PCYT1B: variants seen among roughly 807,000 people sequenced by gnomAD.
PCYT1B encodes choline-phosphate cytidylyltransferase B.
PCYT1B carries 10 observed loss-of-function variants against 26.4 expected under a neutral mutation model. The observed-to-expected ratio is 0.38, with a 90% CI of 0.23 to 0.64. The LOEUF (loss-of-function observed/expected upper bound fraction) is 0.64. PCYT1B is among the 30% of genes least tolerant of loss of function. The pLI is 0.56. For synonymous variants in PCYT1B, 131 were observed against 108.4 expected (o/e 1.21, Z -1.29); for missense variants, 161 against 292.7 (o/e 0.55, Z 3.28).
chrX:24,563,690 C>T (rs1262430213), intron 7 of PCYT1B, among the ~76,000 whole-genome samples: 1 of 111,270 alleles, frequency 9.0e-6, no homozygotes, highest in African/African-American at 3.3e-5. Context: ...GGAGGCACTG[C>T]GGGAGATCAG....
At chrX:24,626,961 G>T (rs1038031630) in intron 1 of PCYT1B, among the ~76,000 whole-genome samples, 2 of 111,920 alleles carry the variant, frequency 1.8e-5, no homozygotes, top group Non-Finnish European at 3.8e-5. Context: ...TTAGTTAAAG[G>T]GTGATTAAGT....
rs1569261868 is a variant in PCYT1B, at chrX:24,670,100, GAAAGAAAGA to G, written c.63+2461_63+2469del. Among the ~76,000 whole-genome samples the G allele has an allele frequency of 3.3e-3, 276 of 83,937 alleles. 1 individual carries two copies. Among genetic ancestry groups the G allele is most frequent in the South Asian group, 9.6e-3 (13 of 1,349 alleles). The allele number at this position is 83,937 out of a possible 115,157, so 72.9% of individuals were successfully genotyped here. On this transcript the variant is annotated intron_variant, in intron 1 of 7. Transcript: ENST00000379145. ...AGAAAGAAAGAAAGAAAGAAAGAAA[GAAAGAAAGA>G]AAGAAAGGAAGGAAGGAAGGAAGGA...
At chrX:24,629,521 C>CT (rs1238818550) in intron 1 of PCYT1B, among the ~76,000 whole-genome samples, 1 of 84,438 alleles carries the variant, frequency 1.2e-5, no homozygotes, top group African/African-American at 4.6e-5. Context: ...TTGCATGCCA[C>CT]TGCACTCCAG....
At chrX:24,562,551 A>G in intron 7 of PCYT1B, 46 bp from the exon 8 acceptor site, 1 of 1,108,577 alleles carries the variant, frequency 9.0e-7, no homozygotes, top group Non-Finnish European at 1.2e-6. Context: ...TTGCAATCTG[A>G]GGCAGCAGCA....
chrX:24,592,936 A>G (rs753019554), intron 3 of PCYT1B, among the ~76,000 whole-genome samples: 183 of 111,568 alleles, frequency 1.6e-3, no homozygotes, highest in African/African-American at 5.4e-3. Context: ...TTTTTTGGAC[A>G]GAGTTTTGCT....
rs1255668401 is a variant in PCYT1B at position 24,561,173 on chromosome X, C to G, written c.*1120G>C. 5 of 112,535 alleles carry G rather than the reference C, an allele frequency of 4.4e-5. No individual in the cohort carries two copies. Among genetic ancestry groups the G allele is most frequent in the Non-Finnish European group, 9.4e-5 (5 of 53,313 alleles). 9.3% of individuals were successfully genotyped at this position (112,535 alleles called of 1,213,427 possible). Reference sequence around the variant, plus strand: ...TAAGCTTGACAAAGTGCCCAAGTCACAAGAGAACAGATGTTTCTTGAGACC... The same window carrying G: ...TAAGCTTGACAAAGTGCCCAAGTCAGAAGAGAACAGATGTTTCTTGAGACC... On this transcript the variant is annotated 3_prime_UTR_variant, in exon 8 of 8. Coordinates refer to ENST00000379144, the MANE Select transcript of PCYT1B (RefSeq NM_004845.5).
In PCYT1B at chrX:24,575,151, C is replaced by G; in HGVS notation, c.876G>C (p.Leu292=). 2 of 1,199,802 alleles carry G rather than the reference C, an allele frequency of 1.7e-6. No individual in the cohort carries two copies. Among genetic ancestry groups the G allele is most frequent in the Non-Finnish European group, 2.2e-6 (2 of 890,356 alleles). ...ATACCCATGCTCCATCAGGTCCAAA[C>G]AGTTCTAGGAAGTTGCCAATGAATT... ...SREFIGNFLE[L]FGPDGAWKQM... The change falls in exon 7 of 8, where the codon CTG becomes CTC. Residue 292 remains leucine, a synonymous_variant. Coordinates refer to ENST00000379144, the MANE Select transcript of PCYT1B (RefSeq NM_004845.5).
chrX:24,588,501 T>A (rs1378792398), intron 4 of PCYT1B, among the ~76,000 whole-genome samples: 1 of 112,039 alleles, frequency 8.9e-6, no homozygotes, highest in Non-Finnish European at 1.9e-5. Context: ...TCACTCTACC[T>A]TGAGAGGTAA....
At chrX:24,631,151 T>C (rs1165394259) in intron 1 of PCYT1B, among the ~76,000 whole-genome samples, 1 of 111,388 alleles carries the variant, frequency 9.0e-6, no homozygotes, top group East Asian at 2.8e-4. Context: ...CTTGATCTCC[T>C]GACCTCGTGA....
chrX:24,661,656 T>C (rs1218741415), intron 1 of PCYT1B, among the ~76,000 whole-genome samples: 4 of 111,917 alleles, frequency 3.6e-5, no homozygotes, highest in Non-Finnish European at 7.5e-5. Context: ...GAAAACTCTA[T>C]AGAACAAACC....
chrX:24,654,095 TCTTTC>T (rs377205500), intron 1 of PCYT1B, among the ~76,000 whole-genome samples: 8 of 66,320 alleles, frequency 1.2e-4, no homozygotes, highest in Non-Finnish European at 1.7e-4. Context: ...TTTCTTTCTT[TCTTTC>T]TTTTTTTTTT....
At chrX:24,625,102 T>C (rs939136615) in intron 1 of PCYT1B, among the ~76,000 whole-genome samples, 1 of 112,135 alleles carries the variant, frequency 8.9e-6, no homozygotes, top group Admixed American at 9.5e-5. Flanking sequence ...CTCAAGAATG[T>C]CTCTGGTAGA....
In PCYT1B at chrX:24,672,122, A is replaced by G. The variant is rs182345022; in HGVS notation, c.63+448T>C. Among the ~76,000 whole-genome samples, 899 of 112,242 alleles carry G rather than the reference A, an allele frequency of 8.0e-3. 11 individuals are homozygous for G. The highest frequency in any genetic ancestry group is 0.028 in the African/African-American group (853 of 30,906). ...GGTTGCAGTGAGCCGAGATCGTGCCATTGCACTCCAGCCTGGGCAGCAAGA... is the reference window on the plus strand; with the variant it reads ...GGTTGCAGTGAGCCGAGATCGTGCCGTTGCACTCCAGCCTGGGCAGCAAGA... On this transcript the variant is annotated intron_variant, in intron 1 of 7. Transcript: ENST00000379145.
At chrX:24,618,947 A>T (rs772938904) in intron 2 of PCYT1B, 38 bp downstream of exon 2, 8 of 917,965 alleles carry the variant, frequency 8.7e-6, no homozygotes, top group Non-Finnish European at 1.0e-5. Context: ...TAAAATGTCA[A>T]GACAGGGCCC....
At chrX:24,572,899 C>CTA (rs1199740680) in intron 7 of PCYT1B, among the ~76,000 whole-genome samples, 2 of 102,222 alleles carry the variant, frequency 2.0e-5, no homozygotes, top group African/African-American at 3.5e-5. Context: ...TGACTAAGGT[C>CTA]TATAAAGTTT....
intron 3 of PCYT1B, among the ~76,000 whole-genome samples, chrX:24,593,820 C>T (rs111733222): frequency 1.1e-4 from 12 of 111,183 alleles, no homozygotes; most frequent in South Asian, 3.8e-4. Context: ...AGCCACCGCG[C>T]CTGGCCTACA....
At position 24,666,606 on chromosome X, in the gene PCYT1B, AGTGTGT is replaced by A. The variant is rs3859985; in HGVS notation, c.63+5958_63+5963del. Among the ~76,000 whole-genome samples, 534 of 100,710 alleles carry A rather than the reference AGTGTGT, an allele frequency of 5.3e-3. 1 individual carries two copies. The highest frequency in any genetic ancestry group is 0.017 in the African/African-American group (474 of 27,787). 87.5% of individuals were successfully genotyped at this position (100,710 alleles called of 115,157 possible). A position where few individuals can be genotyped will look rare whatever the true frequency, so the allele number is the denominator to read the frequency against. On this transcript the variant is annotated intron_variant, in intron 1 of 7. Coordinates refer to the PCYT1B transcript ENST00000379145. ...TTTTCTCTTTCCGTGTATGTGTGTG[AGTGTGT>A]GTGTGTGTGTGTGTGTGTGTGTGTG... is the stretch of plus-strand genomic sequence containing the variant.
intron 3 of PCYT1B, among the ~76,000 whole-genome samples, chrX:24,606,053 C>CAAAAAAAA (rs35072094): frequency 3.8e-5 from 2 of 52,485 alleles, no homozygotes; most frequent in Non-Finnish European, 3.5e-5. Context: ...GACTCCATCT[C>CAAAAAAAA]AAAAAAAAAA....
intron 2 of PCYT1B, among the ~76,000 whole-genome samples, chrX:24,614,798 T>C (rs1270456021): frequency 8.9e-6 from 1 of 111,945 alleles, no homozygotes; most frequent in African/African-American, 3.2e-5. Context: ...AACAGCAAGA[T>C]TCTTAAAAAT....
Sources: allele counts gnomAD v4.1 joint callset (sites outside exome capture counted in the v4.1 genomes callset), GRCh38; gene constraint gnomAD v4.1.1; transcripts MANE v1.5; gene names NCBI Gene and HGNC (gene_info 2026-07-23, HGNC 2026-07-21).